Variants in ZFHX3 observed in about 807,000 individuals in gnomAD.
ZFHX3 encodes the protein zinc finger homeobox 3.
Under a neutral mutation model 279.1 loss-of-function variants are expected in ZFHX3, and 42 were observed. The observed-to-expected ratio is 0.15, with a 90% confidence interval of 0.12 to 0.19. ZFHX3 has a LOEUF of 0.19. Ranked by LOEUF, ZFHX3 falls within the 10% of genes least tolerant of loss-of-function variation. The pLI, the probability that ZFHX3 is intolerant of heterozygous loss-of-function variation, is 1.00. For missense variants in ZFHX3, 4,981 were observed against 4,754.0 expected, an observed-to-expected ratio of 1.05 and a Z score of -1.40; for synonymous variants, 2,293 against 1,957.8, an observed-to-expected ratio of 1.17 and a Z score of -4.52.
At chr16:73,455,755 CTTTG>C (rs2018360782) in intron 3 of ZFHX3, among the ~76,000 whole-genome samples, 3 of 144,370 alleles carry the variant, frequency 2.1e-5, no homozygotes, top group South Asian at 4.5e-4. Context: ...AACTTCAAAG[CTTTG>C]TTTGTTAAGA....
At chr16:72,991,092 C>CCTG (rs141761781) in intron 1 of ZFHX3, among the ~76,000 whole-genome samples, 137,343 of 151,964 alleles carry the variant, frequency 0.9, 62,263 homozygotes, top group Admixed American at 0.94. Context: ...TATAGCAGTC[C>CCTG]CTTATCCGAG....
At chr16:73,526,110 G>T (rs2019687974) in intron 2 of ZFHX3, among the ~76,000 whole-genome samples, 3 of 152,242 alleles carry the variant, frequency 2.0e-5, no homozygotes, top group African/African-American at 7.2e-5. Context: ...TTCTTGGCCA[G>T]GAAAATGATT....
chr16:73,555,539 G>T (rs1291105957), intron 2 of ZFHX3, among the ~76,000 whole-genome samples: 2 of 151,964 alleles, frequency 1.3e-5, no homozygotes, highest in African/African-American at 2.4e-5. Context: ...CTCTTTGAAA[G>T]GATGCAGTTG....
intron 3 of ZFHX3, among the ~76,000 whole-genome samples, chr16:73,434,400 T>C (rs2017962043): frequency 6.6e-6 from 1 of 152,214 alleles, no homozygotes; most frequent in African/African-American, 2.4e-5. Flanking sequence ...ATTAAGTTTA[T>C]CTACTAAGGT....
chr16:73,072,139 C>T (rs56218283), intron 8 of ZFHX3, among the ~76,000 whole-genome samples: 66,569 of 152,080 alleles, frequency 0.44, 16,670 homozygotes, highest in East Asian at 0.56. Flanking sequence ...GTATGTTCAC[C>T]ACTGGGTTGG....
intron 1 of ZFHX3, among the ~76,000 whole-genome samples, chr16:73,858,701 C>G (rs1335968264): frequency 6.6e-6 from 1 of 152,152 alleles, no homozygotes; most frequent in Non-Finnish European, 1.5e-5. Context: ...ACAAAGATAA[C>G]ACAAAAGATG....
chr16:73,339,495 TC>T (rs1199132691), intron 3 of ZFHX3, among the ~76,000 whole-genome samples: 1 of 152,234 alleles, frequency 6.6e-6, no homozygotes, highest in African/African-American at 2.4e-5. Context: ...TATTCTATCA[TC>T]TAACAGTGGG....
chr16:73,794,529 ATTG>A (rs1959934444), intron 1 of ZFHX3, among the ~76,000 whole-genome samples: 1 of 152,110 alleles, frequency 6.6e-6, no homozygotes, highest in African/African-American at 2.4e-5. Flanking sequence ...TATTCAAATT[ATTG>A]TTGTTCCCAC....
intron 2 of ZFHX3, among the ~76,000 whole-genome samples, chr16:73,497,845 T>C (rs1255049302): frequency 6.6e-6 from 1 of 152,188 alleles, no homozygotes; most frequent in East Asian, 1.9e-4. Flanking sequence ...TGATGCCTTG[T>C]AATATGTTAT....
upstream of ZFHX3, among the ~76,000 whole-genome samples, chr16:73,049,226 G>C (rs553369198): frequency 6.6e-6 from 1 of 152,290 alleles, no homozygotes; most frequent in African/African-American, 2.4e-5. Context: ...CCCTCAGTCT[G>C]AATTTACTCC....
At chr16:72,827,159 T>C (rs1322017459) in intron 5 of ZFHX3, among the ~76,000 whole-genome samples, 1 of 152,182 alleles carries the variant, frequency 6.6e-6, no homozygotes, top group East Asian at 1.9e-4. Context: ...ACGATCCCAT[T>C]AAATGCTTGT....
intron 2 of ZFHX3, among the ~76,000 whole-genome samples, chr16:73,493,531 G>T (rs541211598): frequency 6.6e-6 from 1 of 152,200 alleles, no homozygotes; most frequent in African/African-American, 2.4e-5. Flanking sequence ...GTAATAGCTA[G>T]ATTGGGTCAG....
intron 3 of ZFHX3, among the ~76,000 whole-genome samples, chr16:73,384,443 G>C (rs1426915833): frequency 2.0e-5 from 3 of 152,258 alleles, no homozygotes; most frequent in Admixed American, 2.0e-4. Flanking sequence ...TTCACTTGAA[G>C]TTGATGCAGT....
rs148036196 is a variant in ZFHX3, at chr16:73,111,453, C to G, written c.-896-17855G>C. On this transcript the variant is annotated intron_variant, in intron 7 of 17. Coordinates refer to the ZFHX3 transcript ENST00000641206. ...CACAGAATAAAAGTTGACCTGGGGGCTCTTGCTGTCTATAGGAAATTGCAC... is the reference window on the plus strand; with the variant it reads ...CACAGAATAAAAGTTGACCTGGGGGGTCTTGCTGTCTATAGGAAATTGCAC... Among the ~76,000 whole-genome samples, 405 of 152,210 alleles carry G rather than the reference C, an allele frequency of 2.7e-3. 2 individuals are homozygous for G. The highest frequency in any genetic ancestry group is 9.3e-3 in the African/African-American group (387 of 41,542).
At chr16:73,831,568 C>A (rs1960998417) in intron 1 of ZFHX3, among the ~76,000 whole-genome samples, 1 of 152,238 alleles carries the variant, frequency 6.6e-6, no homozygotes, top group South Asian at 2.1e-4. Flanking sequence ...GCTACAGATT[C>A]TGCAGCCTCT....
At chr16:73,458,811 G>T (rs1205030698) in intron 2 of ZFHX3, among the ~76,000 whole-genome samples, 3 of 152,074 alleles carry the variant, frequency 2.0e-5, no homozygotes, top group Non-Finnish European at 4.4e-5. Flanking sequence ...TCTTTTCCCT[G>T]TTTTAAATAA....
At chr16:73,197,324 G>T (rs1327622766) in intron 5 of ZFHX3, among the ~76,000 whole-genome samples, 1 of 152,032 alleles carries the variant, frequency 6.6e-6, no homozygotes, top group Non-Finnish European at 1.5e-5. Flanking sequence ...CTATATCCAC[G>T]GCATGAGAGC....
At chr16:73,619,498 A>T (rs202221197) in intron 2 of ZFHX3, among the ~76,000 whole-genome samples, 7 of 58,956 alleles carry the variant, frequency 1.2e-4, no homozygotes, top group South Asian at 7.9e-4. Context: ...AAAAAAAAAA[A>T]ATTATATATA....
chr16:73,202,209 A>G (rs2011630018), intron 5 of ZFHX3, among the ~76,000 whole-genome samples: 1 of 152,220 alleles, frequency 6.6e-6, no homozygotes, highest in Non-Finnish European at 1.5e-5. Flanking sequence ...AAATGTGGCC[A>G]AAACCTGGGC....
Sources: gnomAD v4.1 joint callset for allele counts (sites outside exome capture counted in the v4.1 genomes callset) on GRCh38, gnomAD v4.1.1 for gene constraint, MANE v1.5 for transcripts, NCBI Gene and HGNC (gene_info 2026-07-23, HGNC 2026-07-21) for gene names.